MACROD2: variants seen among roughly 807,000 people sequenced by gnomAD.
The protein encoded by MACROD2 is mono-ADP ribosylhydrolase 2.
Under a neutral mutation model 70.4 loss-of-function variants are expected in MACROD2, and 36 were observed. The ratio of observed to expected loss-of-function variants is 0.51; its 90% CI spans 0.39 to 0.68. MACROD2 has a LOEUF of 0.68. Ranked by LOEUF, MACROD2 falls within the 30% of genes least tolerant of loss-of-function variation. The pLI, the probability that MACROD2 is intolerant of heterozygous loss-of-function variation, is 0.00. For missense variants in MACROD2, 496 were observed against 538.4 expected (o/e 0.92, Z 0.78); for synonymous variants, 172 against 178.8 (o/e 0.96, Z 0.30).
rs35279137 is a variant in MACROD2, at chr20:14,853,173, C to CTGTATGTGTGTGTGTGTGTG, written c.418+168217_418+168218insATGTGTGTGTGTGTGTGTGT. Among the ~76,000 whole-genome samples, 163 of 149,346 alleles carry CTGTATGTGTGTGTGTGTGTG rather than the reference C, an allele frequency of 1.1e-3. 1 individual carries two copies. Among genetic ancestry groups the CTGTATGTGTGTGTGTGTGTG allele is most frequent in the African/African-American group, 2.5e-3 (103 of 40,438 alleles). On this transcript the variant is annotated intron_variant, in intron 5 of 17. Transcript: ENST00000684519. ...GTGTGAACAGTGTGTGTGTGTGTGT[C>CTGTATGTGTGTGTGTGTGTG]TGTGTGTGTGTGTGTGTGTGTGTGT...
At chr20:14,388,264 A>G (rs6079415) in intron 3 of MACROD2, among the ~76,000 whole-genome samples, 128,294 of 151,656 alleles carry the variant, frequency 0.85, 55,324 homozygotes, top group Non-Finnish European at 0.93. Flanking sequence ...CACCCATCTC[A>G]GCCTCCCAAA....
intron 10 of MACROD2, among the ~76,000 whole-genome samples, chr20:15,891,357 G>T (rs1568621151): frequency 6.6e-6 from 1 of 152,274 alleles, no homozygotes; most frequent in South Asian, 2.1e-4. Context: ...GGTAAGCGGG[G>T]CCCCAATGAC....
At chr20:14,161,689 G>A (rs1264181399) in intron 3 of MACROD2, among the ~76,000 whole-genome samples, 1 of 151,196 alleles carries the variant, frequency 6.6e-6, no homozygotes, top group Non-Finnish European at 1.5e-5. Flanking sequence ...CGATTCTCCT[G>A]CCTCAGCCTT....
chr20:15,023,262 T>C (rs1027885884), intron 5 of MACROD2, among the ~76,000 whole-genome samples: 2 of 152,194 alleles, frequency 1.3e-5, no homozygotes, highest in African/African-American at 2.4e-5. Context: ...TATAAGACCA[T>C]TCAAATACTT....
chr20:14,958,562 A>G (rs1036630029), intron 5 of MACROD2, among the ~76,000 whole-genome samples: 1 of 152,152 alleles, frequency 6.6e-6, no homozygotes, highest in African/African-American at 2.4e-5. Context: ...TTTCTTTGGC[A>G]CTGCATTCAC....
chr20:14,679,549 A>G lies in MACROD2; in HGVS notation c.302-5294A>G, dbSNP rs114354594. 5.4e-3 allele frequency among the ~76,000 whole-genome samples: 823 copies of G among 152,340 alleles called. 16 individuals carry two copies. Among genetic ancestry groups the G allele is most frequent in the African/African-American group, 0.019 (781 of 41,584 alleles). ...AGAACAACAAACATGACTTTAATAGAGAAGCAGTAAGATCAGACTCACATT... is the reference window on the plus strand; with the variant it reads ...AGAACAACAAACATGACTTTAATAGGGAAGCAGTAAGATCAGACTCACATT... On this transcript the variant is annotated intron_variant, in intron 4 of 17. Transcript: ENST00000684519.
intron 15 of MACROD2, among the ~76,000 whole-genome samples, chr20:15,995,649 C>CTTTTGTTTTTTTTTTTT (rs2066619050): frequency 1.2e-5 from 1 of 85,508 alleles, no homozygotes; most frequent in Non-Finnish European, 2.3e-5. Flanking sequence ...TATGCCCGGC[C>CTTTTGTTTTTTTTTTTT]TTTTTTTTTT....
intron 3 of MACROD2, among the ~76,000 whole-genome samples, chr20:14,464,053 T>G (rs1204029751): frequency 1.3e-5 from 2 of 152,094 alleles, no homozygotes; most frequent in Admixed American, 1.3e-4. Context: ...CCTCATAAAT[T>G]GAGTTAGGGA....
At chr20:15,644,641 T>A (rs1490933662) in intron 8 of MACROD2, among the ~76,000 whole-genome samples, 1 of 152,238 alleles carries the variant, frequency 6.6e-6, no homozygotes, top group Non-Finnish European at 1.5e-5. Flanking sequence ...TAAGTAATTA[T>A]TTAACTCATT....
chr20:14,489,812 G>T (rs1374042679), intron 3 of MACROD2, among the ~76,000 whole-genome samples: 1 of 151,120 alleles, frequency 6.6e-6, no homozygotes, highest in African/African-American at 2.4e-5. Flanking sequence ...TTACTGTGGA[G>T]ATAATAAAAA....
At chr20:14,334,659 G>A (rs1033261785) in intron 3 of MACROD2, among the ~76,000 whole-genome samples, 1 of 151,844 alleles carries the variant, frequency 6.6e-6, no homozygotes, top group Admixed American at 6.6e-5. Flanking sequence ...GGCAAAAGGT[G>A]GGGGGTGGGA....
intron 15 of MACROD2, among the ~76,000 whole-genome samples, chr20:16,032,239 A>G (rs551434277): frequency 1.3e-5 from 2 of 152,148 alleles, no homozygotes; most frequent in Admixed American, 1.3e-4. Flanking sequence ...ACAATATACA[A>G]TGTGGACCCT....
chr20:14,220,821 A>G (rs2081666284), intron 3 of MACROD2, among the ~76,000 whole-genome samples: 1 of 152,134 alleles, frequency 6.6e-6, no homozygotes, highest in Non-Finnish European at 1.5e-5. Context: ...TGTTCAGGAG[A>G]GGAGGGTCTC....
At chr20:14,288,152 G>C (rs1411864130) in intron 3 of MACROD2, among the ~76,000 whole-genome samples, 1 of 151,822 alleles carries the variant, frequency 6.6e-6, no homozygotes, top group African/African-American at 2.4e-5. Context: ...ACACCACCAA[G>C]AGATTGCTAT....
chr20:16,032,250 TGG>T lies in MACROD2; in HGVS notation c.1154-8950_1154-8949del, dbSNP rs1488086715. On this transcript the variant is annotated intron_variant, in intron 15 of 17. Coordinates refer to ENST00000684519, the MANE Select transcript of MACROD2 (RefSeq NM_001351661.2). ...GGGAACAATATACAATGTGGACCCT[TGG>T]AGGGTGGAGGGAGTGGAGTGGGTGA... Among the ~76,000 whole-genome samples, 95 of 152,096 alleles carry T rather than the reference TGG, an allele frequency of 6.2e-4. No individual in the cohort carries two copies. In the East Asian group the frequency reaches 0.016, roughly 26 times the overall value.
At chr20:15,218,917 G>A (rs1183147326) in intron 5 of MACROD2, among the ~76,000 whole-genome samples, 2 of 152,222 alleles carry the variant, frequency 1.3e-5, no homozygotes, top group South Asian at 4.1e-4. Flanking sequence ...GTGGCGGCGT[G>A]TGCCTGTAGT....
intron 7 of MACROD2, among the ~76,000 whole-genome samples, chr20:15,451,207 A>T (rs1452242255): frequency 1.3e-5 from 2 of 151,988 alleles, no homozygotes; most frequent in African/African-American, 4.8e-5. Context: ...TCTCAGTGGG[A>T]GTCAGAGGTA....
chr20:15,700,474 G>C (rs2050441157), intron 8 of MACROD2, among the ~76,000 whole-genome samples: 1 of 152,238 alleles, frequency 6.6e-6, no homozygotes, highest in East Asian at 1.9e-4. Context: ...CCTGAGCTTA[G>C]CAGTCTGCCC....
At chr20:14,460,045 G>C (rs1443758157) in intron 3 of MACROD2, among the ~76,000 whole-genome samples, 1 of 152,094 alleles carries the variant, frequency 6.6e-6, no homozygotes, top group African/African-American at 2.4e-5. Context: ...TACCTGCAAA[G>C]GACATGAACT....
Sources: gnomAD v4.1 joint callset for allele counts (sites outside exome capture counted in the v4.1 genomes callset) on GRCh38, gnomAD v4.1.1 for gene constraint, MANE v1.5 for transcripts, NCBI Gene and HGNC (gene_info 2026-07-23, HGNC 2026-07-21) for gene names.